The following KBTBD12 variants were observed in gnomAD, a reference collection of about 807,000 sequenced individuals.
KBTBD12 encodes the protein kelch repeat and BTB domain containing 12.
In KBTBD12, 53 loss-of-function variants were observed where a neutral mutation model predicts 58.7. That is an observed-to-expected ratio of 0.90 (90% CI 0.72 to 1.14). KBTBD12 has a LOEUF of 1.14. Among genes scored for constraint, KBTBD12 ranks in the 50% most tolerant of loss-of-function variants. The pLI is 0.00. For synonymous variants in KBTBD12, 236 were observed against 259.8 expected (o/e 0.91, Z 0.88); for missense variants, 704 against 751.3 (o/e 0.94, Z 0.74).
At chr3:127,982,395 G>C (rs1472432675) in intron 5 of KBTBD12, among the ~76,000 whole-genome samples, 1 of 152,078 alleles carries the variant, frequency 6.6e-6, no homozygotes, top group East Asian at 1.9e-4. Context: ...CACACCCCGG[G>C]AGACAGTGTG....
chr3:127,976,394 A>T (rs1940784063), intron 5 of KBTBD12, among the ~76,000 whole-genome samples: 1 of 152,142 alleles, frequency 6.6e-6, no homozygotes, highest in South Asian at 2.1e-4. Context: ...CCCTTTTTAC[A>T]ACATTAACTT....
chr3:127,979,507 A>G (rs1252171142), intron 5 of KBTBD12, among the ~76,000 whole-genome samples: 1 of 152,234 alleles, frequency 6.6e-6, no homozygotes, highest in Non-Finnish European at 1.5e-5. Context: ...GCTGCCCAAC[A>G]CAACACAATG....
chr3:127,923,442 C>T lies in KBTBD12; in HGVS notation c.381C>T (p.His127=). 1 of 1,612,064 alleles carries T rather than the reference C, an allele frequency of 6.2e-7. No individual in the cohort carries two copies. The highest frequency in any genetic ancestry group is 8.5e-7 in the Non-Finnish European group (1 of 1,179,694). The change falls in exon 2 of 6, where the codon CAC becomes CAT. Residue 127 remains histidine, a synonymous_variant. Coordinates refer to ENST00000405109, the MANE Select transcript of KBTBD12 (RefSeq NM_207335.4). The stretch of plus-strand genomic sequence containing the variant: ...TGTGTCAAAAATATATGATGGACCA[C>T]ATGGATGCCTCCAACTGTTTAGGTA... The part of the protein sequence containing the change: ...FSVCQKYMMD[H]MDASNCLGIY...
chr3:127,961,847 A>C (rs1000821573), intron 4 of KBTBD12, among the ~76,000 whole-genome samples: 1 of 152,252 alleles, frequency 6.6e-6, no homozygotes, highest in African/African-American at 2.4e-5. Context: ...TGACTGATGC[A>C]GTGATAGGCA....
chr3:127,923,071 A>C lies in KBTBD12; in HGVS notation c.10A>C (p.Lys4Gln), dbSNP rs745411647. 6.3e-7 allele frequency: 1 copy of C among 1,599,460 alleles called. No homozygotes were observed. The highest frequency in any genetic ancestry group is 8.6e-7 in the Non-Finnish European group (1 of 1,168,150). Residue 4 changes from lysine to glutamine, a missense_variant, in exon 2 of 6, where the codon AAG becomes CAG. Lys to Gln is a moderately conservative substitution (Grantham distance 53). Transcript: ENST00000405109. Reference protein sequence around the residue: MECKIEGKEKYQHS... With the variant: MECQIEGKEKYQHS... Reference sequence around the variant, plus strand: ...CTTTGGAGAGTAGATCATGGAGTGCAAGATTGAGGGAAAAGAAAAATACCA... The same window carrying C: ...CTTTGGAGAGTAGATCATGGAGTGCCAGATTGAGGGAAAAGAAAAATACCA...
intron 4 of KBTBD12, 58 bp downstream of exon 4, chr3:127,930,341 C>T: frequency 6.6e-7 from 1 of 1,522,306 alleles, no homozygotes; most frequent in South Asian, 1.2e-5. Context: ...AGCAGTTTGC[C>T]TCAGCAAAAA....
At position 127,976,721 on chromosome 3, in the gene KBTBD12, T is replaced by C. The variant is rs143390076; in HGVS notation, c.1691-7376T>C. On this transcript the variant is annotated intron_variant, in intron 5 of 5. Coordinates refer to ENST00000405109, the MANE Select transcript of KBTBD12 (RefSeq NM_207335.4). Reference sequence around the variant, plus strand: ...CAGTTCACTTTTTGCACTTAAGTTGTCTCCCAGAAATCTTTTCCATGTTAG... The same window carrying C: ...CAGTTCACTTTTTGCACTTAAGTTGCCTCCCAGAAATCTTTTCCATGTTAG... Among the ~76,000 whole-genome samples, 249 of 152,368 alleles carry C rather than the reference T, an allele frequency of 1.6e-3. 1 individual carries two copies. Among genetic ancestry groups the C allele is most frequent in the African/African-American group, 5.6e-3 (235 of 41,598 alleles).
intron 5 of KBTBD12, 69 bp downstream of exon 5, chr3:127,963,455 A>G: frequency 1.5e-6 from 2 of 1,343,972 alleles, no homozygotes; most frequent in Non-Finnish European, 1.0e-6. Flanking sequence ...AACTGATCCA[A>G]TCACCACTAA....
Position 127,915,300 on chromosome 3 carries a change from C to G in KBTBD12, c.-399C>G, listed in dbSNP as rs1423424602. ...CCGGGGCTGTAGTCGCCGTCTGGAA[C>G]CAGCGCGGGAATAGGTGCGCAGGCG... On this transcript the variant is annotated 5_prime_UTR_variant, in exon 1 of 6. Transcript: ENST00000405109. 2 of 152,434 alleles carry G rather than the reference C, an allele frequency of 1.3e-5. No homozygotes were observed. Among genetic ancestry groups the G allele is most frequent in the East Asian group, 3.9e-4 (2 of 5,194 alleles). The allele number at this position is 152,434 out of a possible 1,614,324, so 9.4% of individuals were successfully genotyped here.
At position 127,924,001 on chromosome 3, in the gene KBTBD12, C is replaced by G; in HGVS notation, c.940C>G (p.Pro314Ala). ...VSRKTYFISS[P>A]KYGEGLGTVC... is the part of the protein sequence containing the mutation. ...ACGGAAAACCTATTTCATCTCATCT[C>G]CCAAGTACGGAGAGGGTTTAGGAAC... The change falls in exon 2 of 6, where the codon CCC (proline) becomes GCC (alanine). Residue 314 changes from proline (P) to alanine (A), a missense_variant. Coordinates refer to ENST00000405109, the MANE Select transcript of KBTBD12 (RefSeq NM_207335.4). 6.2e-7 allele frequency: 1 copy of G among 1,613,762 alleles called. No homozygotes were observed. Among genetic ancestry groups the G allele is most frequent in the Non-Finnish European group, 8.5e-7 (1 of 1,179,760 alleles).
intron 5 of KBTBD12, among the ~76,000 whole-genome samples, chr3:127,966,213 C>G (rs902794267): frequency 6.6e-6 from 1 of 152,210 alleles, no homozygotes; most frequent in African/African-American, 2.4e-5. Flanking sequence ...CAGCCATACC[C>G]TCTCGGCAAG....
At chr3:127,944,106 A>C (rs1940019755) in intron 4 of KBTBD12, among the ~76,000 whole-genome samples, 1 of 152,120 alleles carries the variant, frequency 6.6e-6, no homozygotes, top group East Asian at 1.9e-4. Context: ...AGAACTTGAA[A>C]TCCGGAAGTT....
chr3:127,916,734 A>G (rs1939252270), intron 1 of KBTBD12, among the ~76,000 whole-genome samples: 1 of 152,030 alleles, frequency 6.6e-6, no homozygotes, highest in Admixed American at 6.5e-5. Context: ...TGAGCAGCCA[A>G]TTTGTAATCT....
chr3:127,930,239 A>G lies in KBTBD12; in HGVS notation c.1448A>G (p.Tyr483Cys). ...CGGGCACCCATGAAGTACTCTAAGT[A>G]CCGATTCAGTACAGCTGTAGTCAAC... ...SVRAPMKYSK[Y>C]RFSTAVVNSE... The change falls in exon 4 of 6, where the codon TAC becomes TGC. Residue 483 changes from tyrosine to cysteine, a missense_variant. Coordinates refer to ENST00000405109, the MANE Select transcript of KBTBD12 (RefSeq NM_207335.4). 2.5e-6 allele frequency: 4 copies of G among 1,611,462 alleles called. No individual in the cohort carries two copies. In the South Asian group the frequency reaches 4.4e-5, roughly 18 times the overall value.
chr3:127,934,467 A>G (rs936642561), intron 4 of KBTBD12, among the ~76,000 whole-genome samples: 5 of 152,272 alleles, frequency 3.3e-5, no homozygotes, highest in African/African-American at 1.2e-4. Context: ...AAACCTATGA[A>G]CAGATGTTTA....
intron 4 of KBTBD12, among the ~76,000 whole-genome samples, chr3:127,954,474 G>T (rs1940278117): frequency 6.6e-6 from 1 of 152,148 alleles, no homozygotes; most frequent in African/African-American, 2.4e-5. Flanking sequence ...AAAGAAGTTT[G>T]CATGTAAGAT....
At chr3:127,934,918 T>C (rs1001315508) in intron 4 of KBTBD12, among the ~76,000 whole-genome samples, 1 of 152,040 alleles carries the variant, frequency 6.6e-6, no homozygotes, top group Non-Finnish European at 1.5e-5. Flanking sequence ...AACACTAAAA[T>C]CCTTCAGACA....
chr3:127,984,317 A>G lies in KBTBD12; in HGVS notation c.*39A>G. 6.3e-7 allele frequency: 1 copy of G among 1,582,584 alleles called. No homozygotes were observed. The highest frequency in any genetic ancestry group is 8.6e-7 in the Non-Finnish European group (1 of 1,157,328). ...GAGGACCTCCTGCTGTTCTGCAAACAAGGCCTTCAGAACGGAGAGGGCCCA... is the reference window on the plus strand; with the variant it reads ...GAGGACCTCCTGCTGTTCTGCAAACGAGGCCTTCAGAACGGAGAGGGCCCA... On this transcript the variant is annotated 3_prime_UTR_variant, in exon 6 of 6. Transcript: ENST00000405109.
At chr3:127,936,888 G>T (rs1939841157) in intron 4 of KBTBD12, among the ~76,000 whole-genome samples, 1 of 152,074 alleles carries the variant, frequency 6.6e-6, no homozygotes, top group African/African-American at 2.4e-5. Context: ...TCCCTGAGAA[G>T]TAATAATCAT....
Sources: allele counts gnomAD v4.1 joint callset (sites outside exome capture counted in the v4.1 genomes callset), GRCh38; gene constraint gnomAD v4.1.1; transcripts MANE v1.5; gene names NCBI Gene and HGNC (gene_info 2026-07-23, HGNC 2026-07-21).